The following CUX1 variants were observed in gnomAD, a reference collection of about 807,000 sequenced individuals.
The protein encoded by CUX1 is protein CASP.
In CUX1, 31 loss-of-function variants were observed where a neutral mutation model predicts 158.8. The observed-to-expected ratio is 0.20, with a 90% CI of 0.15 to 0.26. The LOEUF (loss-of-function observed/expected upper bound fraction) is 0.26. Ranked by LOEUF, CUX1 falls within the 10% of genes least tolerant of loss-of-function variation. CUX1 has a pLI of 1.00. For synonymous variants in CUX1, 879 were observed against 862.1 expected (o/e 1.02, Z -0.34); for missense variants, 1,589 against 2,014.6 (o/e 0.79, Z 4.04).
At chr7:102,093,545 CT>C (rs1828872783) in intron 4 of CUX1, among the ~76,000 whole-genome samples, 1 of 152,282 alleles carries the variant, frequency 6.6e-6, no homozygotes, top group Admixed American at 6.5e-5. Flanking sequence ...GGCTTCTTTC[CT>C]TTTTCTTTCC....
At chr7:101,885,928 G>A (rs911972547) in intron 1 of CUX1, among the ~76,000 whole-genome samples, 4 of 152,160 alleles carry the variant, frequency 2.6e-5, no homozygotes, top group African/African-American at 4.8e-5. Context: ...TTTCACCGCC[G>A]TTTATAGGAG....
chr7:102,115,328 C>A, intron 8 of CUX1, 55 bp downstream of exon 8: 1 of 1,517,494 alleles, frequency 6.6e-7, no homozygotes, highest in Non-Finnish European at 9.0e-7. Flanking sequence ...CCTGATTTTG[C>A]TTGAGTAGGG....
intron 1 of CUX1, among the ~76,000 whole-genome samples, chr7:101,872,734 A>C (rs796186343): frequency 2.0e-5 from 3 of 152,130 alleles, no homozygotes; most frequent in African/African-American, 7.2e-5. Flanking sequence ...AGTTTTCAAG[A>C]TGAGGGTATT....
rs113845688 is a variant in CUX1, at chr7:102,225,177, C to A, written c.3131-2190C>A. 2.6e-3 allele frequency among the ~76,000 whole-genome samples: 399 copies of A among 152,288 alleles called. 2 individuals carry two copies. The highest frequency in any genetic ancestry group is 9.2e-3 in the African/African-American group (383 of 41,560). ...CTGCCTCTTACGCTTGTCTCTTCTA[C>A]ATCTTTCAAAAACCGGTTTGGCATG... On this transcript the variant is annotated intron_variant, in intron 20 of 23. Transcript: ENST00000292535.
intron 1 of CUX1, among the ~76,000 whole-genome samples, chr7:101,858,661 C>CTTTTT (rs760652607): frequency 8.7e-5 from 9 of 103,320 alleles, no homozygotes; most frequent in Non-Finnish European, 1.3e-4. Flanking sequence ...ATGCGAATGC[C>CTTTTT]TTTTTTTTTT....
At chr7:101,992,329 T>C (rs1274915927) in intron 2 of CUX1, among the ~76,000 whole-genome samples, 1 of 152,244 alleles carries the variant, frequency 6.6e-6, no homozygotes, top group Non-Finnish European at 1.5e-5. Flanking sequence ...TGTAAAATTT[T>C]ATTTGAAAAT....
rs559737025 is a variant in CUX1 at position 102,163,964 on chromosome 7, A to G, written c.723+5356A>G. Reference sequence around the variant, plus strand: ...AGTAGCAGAGGGGTCGGCACCTGTCAGTTATGTCCGAGCCTCATTCACACC... The same window carrying G: ...AGTAGCAGAGGGGTCGGCACCTGTCGGTTATGTCCGAGCCTCATTCACACC... On this transcript the variant is annotated intron_variant, in intron 9 of 23. Transcript: ENST00000292535. Among the ~76,000 whole-genome samples, 4 of 152,322 alleles carry G rather than the reference A, an allele frequency of 2.6e-5. No individual in the cohort carries two copies. The East Asian group carries it at 5.8e-4, about 22-fold the overall frequency.
chr7:102,112,026 T>C (rs1366320945), intron 7 of CUX1: 1 of 407,760 alleles, frequency 2.5e-6, no homozygotes, highest in African/African-American at 2.0e-5. Flanking sequence ...CACGCCATCC[T>C]TGCTTCCTGC....
intron 20 of CUX1, among the ~76,000 whole-genome samples, chr7:102,225,086 G>A (rs1215627756): frequency 6.6e-6 from 1 of 152,160 alleles, no homozygotes; most frequent in Non-Finnish European, 1.5e-5. Flanking sequence ...GACCCGGGGG[G>A]TGAGCAGAGA....
chr7:102,070,622 G>C (rs1372052253), intron 4 of CUX1, among the ~76,000 whole-genome samples: 1 of 152,188 alleles, frequency 6.6e-6, no homozygotes, highest in Non-Finnish European at 1.5e-5. Context: ...TGCACTTGTT[G>C]AAGTACTCAC....
chr7:102,114,958 G>C (rs1554491324), intron 7 of CUX1, among the ~76,000 whole-genome samples: 1 of 151,986 alleles, frequency 6.6e-6, no homozygotes, highest in African/African-American at 2.4e-5. Context: ...AGGGAGGGAG[G>C]AAACTATTAA....
chr7:102,111,411 C>A (rs1830866954), intron 6 of CUX1, among the ~76,000 whole-genome samples: 1 of 151,746 alleles, frequency 6.6e-6, no homozygotes, highest in Admixed American at 6.6e-5. Context: ...TTTTTAAAAT[C>A]TGGCATTTCA....
In CUX1 at chr7:102,256,094, A is replaced by G. The variant is rs73412055; in HGVS notation, c.*7052A>G. On this transcript the variant is annotated 3_prime_UTR_variant, in exon 24 of 24. Coordinates refer to ENST00000292535, the MANE Select transcript of CUX1 (RefSeq NM_181552.4). ...CAGTCTCCCAGCCTGCCTCTTGGTG[A>G]CCACTGTGCTGGGCGTGCAGGGCCC... The G allele has an allele frequency of 8.1e-3, 7,968 of 985,356 alleles. 474 individuals carry two copies. The African/African-American group carries it at 0.12, about 15-fold the overall frequency. 61.0% of individuals were successfully genotyped at this position (985,356 alleles called of 1,614,324 possible). A position where few individuals can be genotyped will look rare whatever the true frequency, so the allele number is the denominator to read the frequency against.
At chr7:101,819,756 T>C (rs1247629062) in intron 1 of CUX1, among the ~76,000 whole-genome samples, 1 of 152,194 alleles carries the variant, frequency 6.6e-6, no homozygotes, top group Non-Finnish European at 1.5e-5. Context: ...TTTTTTCCTA[T>C]GTGAAACTCT....
intron 8 of CUX1, chr7:102,153,411 AG>A (rs1386880480): frequency 6.6e-6 from 1 of 152,402 alleles, no homozygotes; most frequent in African/African-American, 2.4e-5. Context: ...CAGCACCCCC[AG>A]GCAGCCACGC....
intron 2 of CUX1, among the ~76,000 whole-genome samples, chr7:102,004,451 A>G (rs1202231600): frequency 6.6e-6 from 1 of 152,182 alleles, no homozygotes; most frequent in Admixed American, 6.6e-5. Context: ...ATTTATGTGG[A>G]CTGGGAAAGA....
At chr7:102,172,146 C>T (rs1480557341) in intron 10 of CUX1, among the ~76,000 whole-genome samples, 4 of 152,046 alleles carry the variant, frequency 2.6e-5, no homozygotes, top group Non-Finnish European at 4.4e-5. Flanking sequence ...AGTGTAGTGG[C>T]GTGATCTCAG....
chr7:102,159,923 G>A (rs1319299213), intron 9 of CUX1, among the ~76,000 whole-genome samples: 1 of 152,072 alleles, frequency 6.6e-6, no homozygotes, highest in Non-Finnish European at 1.5e-5. Flanking sequence ...GCTCACGCCT[G>A]TAATCCCAGC....
At chr7:101,831,498 G>T (rs533445569) in intron 1 of CUX1, among the ~76,000 whole-genome samples, 12 of 151,998 alleles carry the variant, frequency 7.9e-5, no homozygotes, top group Non-Finnish European at 1.3e-4. Flanking sequence ...TGCCATGTTG[G>T]CCTGGCTGGT....
Sources: gnomAD v4.1 joint callset for allele counts (sites outside exome capture counted in the v4.1 genomes callset) on GRCh38, gnomAD v4.1.1 for gene constraint, MANE v1.5 for transcripts, NCBI Gene and HGNC (gene_info 2026-07-23, HGNC 2026-07-21) for gene names.